Variants in MARCHF1 observed in about 807,000 individuals in gnomAD.
The protein encoded by MARCHF1 is membrane associated ring-CH-type finger 1, also known as E3 ubiquitin-protein ligase MARCHF1.
A neutral mutation model predicts 54.2 loss-of-function variants in MARCHF1; 40 were observed. That is an observed-to-expected ratio of 0.74 (90% CI 0.57 to 0.96). The LOEUF is 0.96. MARCHF1 is among the 40% of genes least tolerant of loss of function. The pLI, the probability that MARCHF1 is intolerant of heterozygous loss-of-function variation, is 0.00. For synonymous variants in MARCHF1, 236 were observed against 236.3 expected (o/e 1.00, Z 0.01); for missense variants, 586 against 656.5 (o/e 0.89, Z 1.17).
intron 3 of MARCHF1, chr4:163,933,050 C>A: frequency 6.8e-7 from 1 of 1,477,114 alleles, no homozygotes; most frequent in Non-Finnish European, 9.2e-7. Flanking sequence ...CTGTATTTTA[C>A]TATGAGATTC....
At chr4:164,286,848 T>A (rs1463397494) in intron 1 of MARCHF1, among the ~76,000 whole-genome samples, 1 of 149,904 alleles carries the variant, frequency 6.7e-6, no homozygotes, top group Non-Finnish European at 1.5e-5. Flanking sequence ...GTGGGAAGCT[T>A]ATGAGTATTT....
intron 4 of MARCHF1, among the ~76,000 whole-genome samples, chr4:163,773,979 T>C (rs1747233543): frequency 1.3e-5 from 2 of 152,064 alleles, no homozygotes; most frequent in Non-Finnish European, 1.5e-5. Flanking sequence ...TTTATGCTTT[T>C]TGTTAAATGC....
At chr4:163,834,014 AT>A (rs372402487) in intron 4 of MARCHF1, among the ~76,000 whole-genome samples, 14 of 152,196 alleles carry the variant, frequency 9.2e-5, no homozygotes, top group African/African-American at 2.7e-4. Flanking sequence ...AAGGCAATGG[AT>A]AAAAGCCATT....
Position 163,530,747 on chromosome 4 carries a change from G to T in MARCHF1, c.1340-1701C>A, listed in dbSNP as rs147645425. Reference sequence around the variant, plus strand: ...TAAATATATGCAATCAAATTTATTAGAACCTTTACCGGTAGCAAAGGTAAA... The same window carrying T: ...TAAATATATGCAATCAAATTTATTATAACCTTTACCGGTAGCAAAGGTAAA... On this transcript the variant is annotated intron_variant, in intron 9 of 9. Transcript: ENST00000514618. The T allele has an allele frequency of 7.3e-3, 1,107 of 152,018 alleles. 10 individuals carry two copies. Among genetic ancestry groups the T allele is most frequent in the African/African-American group, 0.024 (1,016 of 41,500 alleles). 9.4% of individuals were successfully genotyped at this position (152,018 alleles called of 1,614,324 possible). A position where few individuals can be genotyped will look rare whatever the true frequency, so the allele number is the denominator to read the frequency against.
intron 3 of MARCHF1, among the ~76,000 whole-genome samples, chr4:163,892,532 T>C (rs1469102316): frequency 1.3e-5 from 2 of 150,668 alleles, no homozygotes; most frequent in African/African-American, 4.9e-5. Flanking sequence ...AAAATACAGA[T>C]ATAATATGTA....
At position 164,251,340 on chromosome 4, in the gene MARCHF1, G is replaced by A. The variant is rs79152880; in HGVS notation, c.-323+132530C>T. Among the ~76,000 whole-genome samples, 621 of 152,108 alleles carry A rather than the reference G, an allele frequency of 4.1e-3. 35 individuals carry two copies. In the East Asian group the frequency reaches 0.092, roughly 23 times the overall value. On this transcript the variant is annotated intron_variant, in intron 1 of 9. Transcript: ENST00000514618. ...TTGTTTTACTTTTATTTCACGAGAC[G>A]GTAAGTAAGAAAAAGATACAGTGTA...
At chr4:163,837,782 T>G (rs763921028) in intron 4 of MARCHF1, among the ~76,000 whole-genome samples, 7 of 151,536 alleles carry the variant, frequency 4.6e-5, no homozygotes, top group Non-Finnish European at 1.0e-4. Context: ...GCACATGATA[T>G]CAAAAACATG....
chr4:164,021,034 A>G (rs954197551), intron 2 of MARCHF1, among the ~76,000 whole-genome samples: 3 of 150,808 alleles, frequency 2.0e-5, no homozygotes, highest in Non-Finnish European at 4.4e-5. Flanking sequence ...GTGAGTGTAA[A>G]GACCATGGAA....
intron 2 of MARCHF1, among the ~76,000 whole-genome samples, chr4:164,031,792 CT>C (rs1383977830): frequency 6.6e-6 from 1 of 151,984 alleles, no homozygotes; most frequent in Non-Finnish European, 1.5e-5. Context: ...CTAAAATTCT[CT>C]TTTTTTGTTA....
chr4:164,322,812 T>G (rs1735176978), intron 1 of MARCHF1, among the ~76,000 whole-genome samples: 1 of 152,008 alleles, frequency 6.6e-6, no homozygotes, highest in Non-Finnish European at 1.5e-5. Flanking sequence ...TATTGTCAGC[T>G]CAAGTGGAAC....
chr4:163,643,185 A>G (rs1333423961), intron 5 of MARCHF1, among the ~76,000 whole-genome samples: 1 of 149,522 alleles, frequency 6.7e-6, no homozygotes, highest in East Asian at 2.0e-4. Context: ...AAATTAGCCA[A>G]GTGGTAGTGG....
chr4:164,153,125 AATAT>A (rs10541841), intron 1 of MARCHF1, among the ~76,000 whole-genome samples: 29,849 of 151,938 alleles, frequency 0.2, 4,792 homozygotes, highest in African/African-American at 0.43. Flanking sequence ...ATCAACAGAG[AATAT>A]ATATATATAA....
At chr4:164,163,967 T>C (rs1279636360) in intron 1 of MARCHF1, among the ~76,000 whole-genome samples, 1 of 151,880 alleles carries the variant, frequency 6.6e-6, no homozygotes. Flanking sequence ...AAATGACAGA[T>C]TTCTAAATAA....
intron 1 of MARCHF1, among the ~76,000 whole-genome samples, chr4:164,313,989 G>A (rs1207532157): frequency 6.6e-6 from 1 of 152,164 alleles, no homozygotes; most frequent in Non-Finnish European, 1.5e-5. Context: ...TTTCTATTCA[G>A]ATGCCAGAAG....
chr4:163,729,226 A>G (rs1745757153), intron 4 of MARCHF1, among the ~76,000 whole-genome samples: 1 of 152,078 alleles, frequency 6.6e-6, no homozygotes, highest in Non-Finnish European at 1.5e-5. Flanking sequence ...AAAAAAAGAA[A>G]ATGCCTTTTT....
intron 7 of MARCHF1, 67 bp from the exon 8 acceptor site, chr4:163,585,996 C>A: frequency 3.5e-6 from 5 of 1,425,606 alleles, no homozygotes; most frequent in Non-Finnish European, 4.7e-6. Flanking sequence ...GTTATTTCTG[C>A]CCTTGCTTAT....
intron 3 of MARCHF1, among the ~76,000 whole-genome samples, chr4:163,969,857 C>T (rs781234240): frequency 2.6e-5 from 4 of 151,948 alleles, no homozygotes; most frequent in Admixed American, 6.6e-5. Flanking sequence ...TGGGGGAAAA[C>T]GTAAGGGGAA....
At chr4:164,176,766 G>A (rs1389837441) in intron 1 of MARCHF1, among the ~76,000 whole-genome samples, 1 of 151,382 alleles carries the variant, frequency 6.6e-6, no homozygotes, top group African/African-American at 2.4e-5. Flanking sequence ...TAATTTTATA[G>A]TCCTTCTATG....
chr4:163,736,367 T>C (rs1037176293), intron 4 of MARCHF1, among the ~76,000 whole-genome samples: 1 of 152,150 alleles, frequency 6.6e-6, no homozygotes, highest in African/African-American at 2.4e-5. Flanking sequence ...GGAAAAGTGA[T>C]GATTCACATC....
Sources: allele counts gnomAD v4.1 joint callset (sites outside exome capture counted in the v4.1 genomes callset), GRCh38; gene constraint gnomAD v4.1.1; transcripts MANE v1.5; gene names NCBI Gene and HGNC (gene_info 2026-07-23, HGNC 2026-07-21).